The following FSTL4 variants were observed in gnomAD, a reference collection of about 807,000 sequenced individuals.
The protein encoded by FSTL4 is follistatin like 4.
In FSTL4, 28 loss-of-function variants were observed where a neutral mutation model predicts 78.2. The observed-to-expected ratio is 0.36, with a 90% CI of 0.27 to 0.49. The LOEUF (loss-of-function observed/expected upper bound fraction) is 0.49, where lower values mean the gene tolerates loss of function less well. Ranked by LOEUF, FSTL4 falls within the 20% of genes least tolerant of loss-of-function variation. The pLI, the probability that FSTL4 is intolerant of heterozygous loss-of-function variation, is 0.98. For missense variants in FSTL4, 922 were observed against 1,084.9 expected (o/e 0.85, Z 2.11); for synonymous variants, 422 against 440.5 (o/e 0.96, Z 0.53).
intron 6 of FSTL4, among the ~76,000 whole-genome samples, chr5:133,304,892 C>T (rs561144040): frequency 2.0e-5 from 3 of 152,338 alleles, no homozygotes; most frequent in African/African-American, 7.2e-5. Flanking sequence ...ATTCCTGCCA[C>T]CCCTGTTCCT....
At chr5:133,479,631 G>A (rs1233300921) in intron 3 of FSTL4, among the ~76,000 whole-genome samples, 2 of 152,190 alleles carry the variant, frequency 1.3e-5, no homozygotes, top group African/African-American at 2.4e-5. Context: ...ATGCCCAGAG[G>A]AGGCAAGAGT....
At chr5:133,501,178 C>T (rs1758487774) in intron 3 of FSTL4, among the ~76,000 whole-genome samples, 1 of 151,724 alleles carries the variant, frequency 6.6e-6, no homozygotes, top group African/African-American at 2.4e-5. Flanking sequence ...GAGTGAGGTA[C>T]AGCAGACGGC....
the FSTL4 span, among the ~76,000 whole-genome samples, chr5:133,676,293 A>C: frequency 1.3e-5 from 2 of 152,370 alleles, no homozygotes; most frequent in African/African-American, 4.8e-5. Context: ...CTATGGACTA[A>C]CACTGCCTCT....
chr5:133,417,099 A>T (rs769330945), intron 3 of FSTL4, among the ~76,000 whole-genome samples: 1 of 152,278 alleles, frequency 6.6e-6, no homozygotes, highest in Non-Finnish European at 1.5e-5. Flanking sequence ...AAAAATGCCA[A>T]ATAAACTAAA....
chr5:133,646,882 G>A, the FSTL4 span, among the ~76,000 whole-genome samples: 1 of 152,106 alleles, frequency 6.6e-6, no homozygotes, highest in Non-Finnish European at 1.5e-5. Context: ...TTCTGAGTTA[G>A]AAAAAGCTGT....
chr5:133,527,994 G>A (rs1223673237), intron 3 of FSTL4, among the ~76,000 whole-genome samples: 2 of 152,218 alleles, frequency 1.3e-5, no homozygotes, highest in African/African-American at 4.8e-5. Context: ...TGTTGGGAAG[G>A]AGGGTGAACC....
the FSTL4 span, among the ~76,000 whole-genome samples, chr5:133,766,383 C>T: frequency 2.6e-5 from 4 of 152,218 alleles, no homozygotes; most frequent in South Asian, 2.1e-4. Context: ...ACTATCTGAC[C>T]GTTTACAGAA....
chr5:133,744,162 G>A, the FSTL4 span, among the ~76,000 whole-genome samples: 1 of 152,196 alleles, frequency 6.6e-6, no homozygotes, highest in Non-Finnish European at 1.5e-5. Flanking sequence ...GGAGGGAGGG[G>A]AGTCACCTGC....
chr5:133,580,958 T>G (rs1237114487), intron 2 of FSTL4, among the ~76,000 whole-genome samples: 1 of 152,160 alleles, frequency 6.6e-6, no homozygotes, highest in Non-Finnish European at 1.5e-5. Context: ...CCCACACTCA[T>G]GAACCTCCAC....
chr5:133,754,913 A>C, the FSTL4 span, among the ~76,000 whole-genome samples: 1 of 152,068 alleles, frequency 6.6e-6, no homozygotes, highest in African/African-American at 2.4e-5. Context: ...GGATTATTTT[A>C]GCCTGGGTTC....
chr5:133,572,100 T>C (rs1453483641), intron 2 of FSTL4, among the ~76,000 whole-genome samples: 1 of 152,034 alleles, frequency 6.6e-6, no homozygotes, highest in Non-Finnish European at 1.5e-5. Flanking sequence ...AAGTACTCAG[T>C]AAAATAGTTG....
At chr5:133,686,843 C>T in the FSTL4 span, among the ~76,000 whole-genome samples, 22 of 152,156 alleles carry the variant, frequency 1.4e-4, no homozygotes, top group South Asian at 2.1e-4. Context: ...GGGAAGACTC[C>T]GGAGAACTGA....
intron 3 of FSTL4, among the ~76,000 whole-genome samples, chr5:133,414,050 A>G (rs942016062): frequency 6.6e-6 from 1 of 152,122 alleles, no homozygotes; most frequent in Non-Finnish European, 1.5e-5. Context: ...AAGAGCTCAC[A>G]TTTTCTGGAA....
chr5:133,520,275 A>G (rs1182065089), intron 3 of FSTL4, among the ~76,000 whole-genome samples: 1 of 152,094 alleles, frequency 6.6e-6, no homozygotes, highest in East Asian at 1.9e-4. Context: ...AGCAGTAGAG[A>G]CGGCCCTGTG....
At chr5:133,667,843 T>C in the FSTL4 span, among the ~76,000 whole-genome samples, 1 of 152,262 alleles carries the variant, frequency 6.6e-6, no homozygotes, top group Non-Finnish European at 1.5e-5. Flanking sequence ...GGGACAGGGA[T>C]GTTCATCTGT....
At chr5:133,275,464 G>T (rs541935722) in intron 6 of FSTL4, among the ~76,000 whole-genome samples, 1 of 152,168 alleles carries the variant, frequency 6.6e-6, no homozygotes, top group East Asian at 1.9e-4. Context: ...GGAGGCTGAG[G>T]CAGAAGAATC....
At chr5:133,550,442 C>T (rs1759668212) in intron 3 of FSTL4, among the ~76,000 whole-genome samples, 1 of 152,182 alleles carries the variant, frequency 6.6e-6, no homozygotes, top group African/African-American at 2.4e-5. Context: ...GTCCCCCATA[C>T]TACAGGCCCA....
chr5:133,685,927 A>G, the FSTL4 span, among the ~76,000 whole-genome samples: 19,044 of 152,044 alleles, frequency 0.13, 2,478 homozygotes, highest in African/African-American at 0.33. Context: ...TCGCCACACA[A>G]TCTCTTCTAG....
At chr5:133,233,361 G>A (rs1210050708) in intron 8 of FSTL4, 56 bp downstream of exon 8, 6 of 1,600,674 alleles carry the variant, frequency 3.7e-6, no homozygotes, top group South Asian at 2.2e-5. Context: ...GGGTTGATCT[G>A]AGCAGCAGTT....
Sources: allele counts gnomAD v4.1 joint callset (sites outside exome capture counted in the v4.1 genomes callset), GRCh38; gene constraint gnomAD v4.1.1; transcripts MANE v1.5; gene names NCBI Gene and HGNC (gene_info 2026-07-23, HGNC 2026-07-21).